The following TAB2 variants were observed in gnomAD, a reference collection of about 807,000 sequenced individuals.
TAB2 encodes the protein TGF-beta activated kinase 1 (MAP3K7) binding protein 2, also known as TGF-beta-activated kinase 1 and MAP3K7-binding protein 2.
Under a neutral mutation model 65.0 loss-of-function variants are expected in TAB2, and 3 were observed. That is an observed-to-expected ratio of 0.05 (90% confidence interval 0.02 to 0.12). TAB2 has a LOEUF of 0.12. Among genes scored for constraint, TAB2 ranks in the 10% least tolerant of loss-of-function variants. The pLI is 1.00. For missense variants in TAB2, 623 were observed against 840.3 expected (o/e 0.74, Z 3.20); for synonymous variants, 298 against 285.1 (o/e 1.05, Z -0.46).
rs192403665 is a variant in TAB2 at position 149,296,559 on chromosome 6, A to C, written c.-121+77783A>C. Among the ~76,000 whole-genome samples the C allele has an allele frequency of 2.6e-5, 4 of 152,278 alleles. No homozygotes were observed. In the East Asian group the frequency reaches 7.7e-4, roughly 29 times the overall value. ...ATATCCAGCCTTTTTAGTTGTCTTC[A>C]GCTGGGGGAAGGAGAGGGGAAATTG... On this transcript the variant is annotated intron_variant, in intron 1 of 1. Coordinates refer to the TAB2 transcript ENST00000606202.
chr6:149,378,734 A>G lies in TAB2; in HGVS notation c.819A>G (p.Pro273=). The G allele has an allele frequency of 6.2e-7, 1 of 1,614,110 alleles. No homozygotes were observed. The highest frequency in any genetic ancestry group is 8.5e-7 in the Non-Finnish European group (1 of 1,180,018). Residue 273 remains proline (P), a synonymous_variant, in exon 3 of 7, where the codon CCA becomes CCG. Transcript: ENST00000637181. ...NPLSHTSSQQ[P]NQQGHQTSHV... ...TGTCACATACCTCATCTCAACAGCC[A>G]AATCAGCAAGGCCACCAGACCTCTC... is the stretch of plus-strand genomic sequence containing the variant.
chr6:149,403,367 CACACACAT>C (rs1416796024), intron 6 of TAB2, among the ~76,000 whole-genome samples: 31 of 128,068 alleles, frequency 2.4e-4, no homozygotes, highest in African/African-American at 6.2e-4. Flanking sequence ...CACACACACA[CACACACAT>C]ACACATACAC....
At chr6:149,358,640 C>CTGTGTGTGTGTGTGTGTGTGTGTG (rs370116039) in intron 1 of TAB2, among the ~76,000 whole-genome samples, 8,269 of 121,432 alleles carry the variant, frequency 0.068, 484 homozygotes, top group East Asian at 0.14. Flanking sequence ...CTTCAGAACT[C>CTGTGTGTGTGTGTGTGTGTGTGTG]TGTGTGTGTG....
intron 3 of TAB2, among the ~76,000 whole-genome samples, chr6:149,394,570 G>T (rs569503771): frequency 2.0e-5 from 3 of 152,210 alleles, no homozygotes; most frequent in African/African-American, 7.2e-5. Flanking sequence ...CCAGAAATGA[G>T]GACATCTCTT....
intron 1 of TAB2, among the ~76,000 whole-genome samples, chr6:149,351,463 G>T (rs567287916): frequency 6.6e-6 from 1 of 152,296 alleles, no homozygotes; most frequent in East Asian, 1.9e-4. Flanking sequence ...CTTTAATTAT[G>T]TTGTCACTAA....
intron 1 of TAB2, among the ~76,000 whole-genome samples, chr6:149,339,034 C>T (rs1307644438): frequency 2.6e-5 from 4 of 152,216 alleles, no homozygotes; most frequent in Non-Finnish European, 4.4e-5. Context: ...AGGACATCAA[C>T]TCACGTGGGA....
Position 149,337,060 on chromosome 6 carries a change from C to G in TAB2, c.-90+19045C>G, listed in dbSNP as rs190825814. On this transcript the variant is annotated intron_variant, in intron 1 of 6. Coordinates refer to ENST00000637181, the MANE Select transcript of TAB2 (RefSeq NM_001292034.3). ...TCTTTTATTACTAATAGAAAAAGCA[C>G]AGATATTTTCAGATTACAGCTGTTG... Among the ~76,000 whole-genome samples, 10 of 152,138 alleles carry G rather than the reference C, an allele frequency of 6.6e-5. No homozygotes were observed. In the East Asian group the frequency reaches 1.4e-3, roughly 21 times the overall value.
intron 1 of TAB2, among the ~76,000 whole-genome samples, chr6:149,310,779 C>T (rs549305197): frequency 6.6e-5 from 10 of 152,308 alleles, no homozygotes; most frequent in African/African-American, 1.4e-4. Flanking sequence ...AATATCTCTA[C>T]GTTACTTCAC....
chr6:149,398,112 G>A, intron 5 of TAB2, 50 bp downstream of exon 5: 1 of 1,514,294 alleles, frequency 6.6e-7, no homozygotes. Flanking sequence ...TAATTCACCA[G>A]CAGTTTTTCT....
intron 1 of TAB2, among the ~76,000 whole-genome samples, chr6:149,306,321 A>C (rs1422884531): frequency 1.3e-5 from 2 of 152,112 alleles, no homozygotes; most frequent in African/African-American, 4.8e-5. Context: ...TGGGCTGATC[A>C]CAAGGTCAGG....
At chr6:149,327,867 G>C (rs1176906043) in intron 1 of TAB2, among the ~76,000 whole-genome samples, 1 of 152,286 alleles carries the variant, frequency 6.6e-6, no homozygotes, top group Middle Eastern at 3.4e-3. Flanking sequence ...GCATTGACAC[G>C]TGTTGAATGC....
chr6:149,235,288 C>T (rs899508151), intron 1 of TAB2, among the ~76,000 whole-genome samples: 7 of 152,072 alleles, frequency 4.6e-5, no homozygotes, highest in Non-Finnish European at 1.0e-4. Context: ...GGGCCCTGTG[C>T]CAAGGAAAAC....
intron 6 of TAB2, among the ~76,000 whole-genome samples, chr6:149,402,300 A>G (rs1375945854): frequency 6.6e-6 from 1 of 152,100 alleles, no homozygotes. Flanking sequence ...TTTTATGCCA[A>G]CAGACTAGAT....
chr6:149,278,457 G>C (rs1028915480), intron 1 of TAB2, among the ~76,000 whole-genome samples: 1 of 152,202 alleles, frequency 6.6e-6, no homozygotes, highest in Non-Finnish European at 1.5e-5. Context: ...GAAGAGTAAT[G>C]TATTAATAAA....
intron 3 of TAB2, 24 bp downstream of exon 3, chr6:149,379,542 A>G: frequency 6.2e-7 from 1 of 1,610,804 alleles, no homozygotes; most frequent in Non-Finnish European, 8.5e-7. Context: ...TAAAGGTGGG[A>G]TGGTTTTCCA....
chr6:149,333,592 C>A (rs971089468), intron 1 of TAB2, among the ~76,000 whole-genome samples: 3 of 152,060 alleles, frequency 2.0e-5, no homozygotes, highest in African/African-American at 7.2e-5. Context: ...TATACCTTTC[C>A]ACTTTTGAGC....
At chr6:149,357,175 T>C (rs1004113396) in intron 1 of TAB2, among the ~76,000 whole-genome samples, 1 of 152,126 alleles carries the variant, frequency 6.6e-6, no homozygotes, top group Non-Finnish European at 1.5e-5. Context: ...CCCAGCACTT[T>C]GGGAGGCTGA....
intron 2 of TAB2, among the ~76,000 whole-genome samples, chr6:149,373,444 A>G (rs894092089): frequency 6.6e-6 from 1 of 152,184 alleles, no homozygotes; most frequent in African/African-American, 2.4e-5. Flanking sequence ...CCATATTTCT[A>G]TGATAACACC....
chr6:149,279,333 CT>C (rs1255165624), intron 1 of TAB2, among the ~76,000 whole-genome samples: 3 of 152,204 alleles, frequency 2.0e-5, no homozygotes, highest in Admixed American at 2.0e-4. Context: ...CAACTTCTTC[CT>C]TCCCAATCCT....
Sources: gnomAD v4.1 joint callset for allele counts (sites outside exome capture counted in the v4.1 genomes callset) on GRCh38, gnomAD v4.1.1 for gene constraint, MANE v1.5 for transcripts, NCBI Gene and HGNC (gene_info 2026-07-23, HGNC 2026-07-21) for gene names.